The following TBCA variants were observed in gnomAD, a reference collection of about 807,000 sequenced individuals.
TBCA encodes tubulin folding cofactor A.
Under a neutral mutation model 15.8 loss-of-function variants are expected in TBCA, and 6 were observed. That is an observed-to-expected ratio of 0.38 (90% CI 0.21 to 0.75). TBCA has a LOEUF of 0.75. TBCA is among the 30% of genes least tolerant of loss of function. The probability of loss-of-function intolerance (pLI) is 0.46; values close to 1 mark genes in which losing one functional copy is unlikely to be tolerated. For synonymous variants in TBCA, 32 were observed against 42.3 expected (o/e 0.76, Z 0.94); for missense variants, 90 against 131.2 (o/e 0.69, Z 1.53).
At chr5:77,767,310 C>CAG (rs1747801688) in intron 1 of TBCA, among the ~76,000 whole-genome samples, 1 of 151,942 alleles carries the variant, frequency 6.6e-6, no homozygotes, top group Non-Finnish European at 1.5e-5. Flanking sequence ...CACACACACA[C>CAG]AGAACTCCGT....
intron 1 of TBCA, among the ~76,000 whole-genome samples, chr5:77,751,649 G>C (rs352568): frequency 0.44 from 66,964 of 151,940 alleles, 14,933 homozygotes; most frequent in East Asian, 0.53. Flanking sequence ...TTGTCCCATA[G>C]CACTGTAACC....
intron 1 of TBCA, among the ~76,000 whole-genome samples, chr5:77,722,020 T>A (rs1372722582): frequency 1.3e-5 from 2 of 151,928 alleles, no homozygotes; most frequent in Non-Finnish European, 2.9e-5. Flanking sequence ...CAGAAAAAAA[T>A]ATATAAATTA....
chr5:77,722,080 T>C (rs991124881), intron 1 of TBCA, among the ~76,000 whole-genome samples: 1 of 152,092 alleles, frequency 6.6e-6, no homozygotes, highest in African/African-American at 2.4e-5. Context: ...AAGCTGTTGT[T>C]CTGCAGTCTT....
intron 2 of TBCA, among the ~76,000 whole-genome samples, chr5:77,700,798 G>C (rs914013134): frequency 5.3e-5 from 8 of 152,218 alleles, no homozygotes; most frequent in African/African-American, 1.7e-4. Flanking sequence ...CTTTGACAAA[G>C]CAAACAAAAA....
chr5:77,692,978 T>A (rs1745789026), intron 3 of TBCA: 1 of 1,339,376 alleles, frequency 7.5e-7, no homozygotes, highest in East Asian at 2.8e-5. Flanking sequence ...GAAAACCAAA[T>A]AATCAAGACA....
chr5:77,766,180 G>C (rs1266090147), intron 1 of TBCA, among the ~76,000 whole-genome samples: 3 of 152,122 alleles, frequency 2.0e-5, no homozygotes, highest in Non-Finnish European at 1.5e-5. Flanking sequence ...ATGTAACTTA[G>C]CAGGCAGTTA....
chr5:77,739,599 C>G (rs560261013), intron 1 of TBCA, among the ~76,000 whole-genome samples: 3 of 152,298 alleles, frequency 2.0e-5, no homozygotes, highest in African/African-American at 7.2e-5. Context: ...TCAAGAGACC[C>G]ACTAGCACTG....
chr5:77,724,363 C>A (rs777495776), intron 1 of TBCA, among the ~76,000 whole-genome samples: 1 of 152,094 alleles, frequency 6.6e-6, no homozygotes, highest in Non-Finnish European at 1.5e-5. Flanking sequence ...AACTAAGCAT[C>A]TGTAACTAAA....
intron 1 of TBCA, among the ~76,000 whole-genome samples, chr5:77,759,890 A>G (rs35164932): frequency 0.11 from 16,241 of 152,266 alleles, 929 homozygotes; most frequent in Middle Eastern, 0.13. Context: ...TTAGATGCCA[A>G]GAAGGCCTGC....
At chr5:77,739,177 ATGGCTGGGCACAG>A (rs1746976300) in intron 1 of TBCA, among the ~76,000 whole-genome samples, 1 of 152,062 alleles carries the variant, frequency 6.6e-6, no homozygotes, top group Non-Finnish European at 1.5e-5. Flanking sequence ...AGTTTGAAAC[ATGGCTGGGCACAG>A]TGGCTCATGC....
intron 2 of TBCA, among the ~76,000 whole-genome samples, chr5:77,699,993 G>T (rs908275820): frequency 7.4e-6 from 1 of 134,236 alleles, no homozygotes; most frequent in Non-Finnish European, 1.5e-5. Context: ...AGCTGAGATC[G>T]CACCACTGCA....
Position 77,742,511 on chromosome 5 carries a change from T to C in TBCA, c.53+33694A>G, listed in dbSNP as rs72772829. Among the ~76,000 whole-genome samples the C allele has an allele frequency of 8.9e-3, 1,355 of 152,358 alleles. 12 individuals carry two copies. The highest frequency in any genetic ancestry group is 0.015 in the Non-Finnish European group (1,005 of 68,028). On this transcript the variant is annotated intron_variant, in intron 1 of 3. Transcript: ENST00000380377. ...ATTAAAAATTACATAAAGTCAACAT[T>C]TTTTATTGTAAAGAAAAGAAAAAAC... is the stretch of plus-strand genomic sequence containing the variant.
intron 1 of TBCA, among the ~76,000 whole-genome samples, chr5:77,772,408 T>C (rs973274914): frequency 6.6e-6 from 1 of 152,118 alleles, no homozygotes; most frequent in African/African-American, 2.4e-5. Flanking sequence ...CATATCACCA[T>C]GGCACATGTG....
At chr5:77,696,441 T>C (rs1745872837) in intron 2 of TBCA, among the ~76,000 whole-genome samples, 1 of 152,152 alleles carries the variant, frequency 6.6e-6, no homozygotes, top group Admixed American at 6.5e-5. Context: ...AAAAAAATGA[T>C]CTTTGGGCCC....
intron 1 of TBCA, among the ~76,000 whole-genome samples, chr5:77,709,379 G>A (rs1462422820): frequency 1.3e-5 from 2 of 152,124 alleles, no homozygotes; most frequent in Non-Finnish European, 2.9e-5. Flanking sequence ...AATCATAATA[G>A]CTCAATCTTC....
At chr5:77,705,067 A>G (rs1746117855) in intron 2 of TBCA, among the ~76,000 whole-genome samples, 1 of 152,220 alleles carries the variant, frequency 6.6e-6, no homozygotes. Flanking sequence ...ATTACAACAC[A>G]GAATTCAGTA....
chr5:77,700,624 T>C (rs1383816506), intron 2 of TBCA, among the ~76,000 whole-genome samples: 3 of 152,184 alleles, frequency 2.0e-5, no homozygotes, highest in Non-Finnish European at 4.4e-5. Flanking sequence ...GAACATAAAA[T>C]AGTATAACCA....
rs547440670 is a variant in TBCA, at chr5:77,767,406, T to C, written c.53+8799A>G. ...AAGAAGGATTTGGATATAACTATAA[T>C]CTAGCACTAGAATTGTAAGAATGTC... is the stretch of plus-strand genomic sequence containing the variant. On this transcript the variant is annotated intron_variant, in intron 1 of 3. Transcript: ENST00000380377. 8.5e-4 allele frequency among the ~76,000 whole-genome samples: 129 copies of C among 152,344 alleles called. 1 individual carries two copies. The Middle Eastern group carries it at 0.01, about 12-fold the overall frequency.
chr5:77,692,079 T>C (rs1256210916), intron 3 of TBCA: 2 of 983,954 alleles, frequency 2.0e-6, no homozygotes, highest in African/African-American at 3.5e-5. Flanking sequence ...AATACTGATA[T>C]ACAGGCAACT....
Sources: gnomAD v4.1 joint callset for allele counts (sites outside exome capture counted in the v4.1 genomes callset) on GRCh38, gnomAD v4.1.1 for gene constraint, MANE v1.5 for transcripts, NCBI Gene and HGNC (gene_info 2026-07-23, HGNC 2026-07-21) for gene names.